The following GLIS3 variants were observed in gnomAD, a reference collection of about 807,000 sequenced individuals.
The protein encoded by GLIS3 is zinc finger protein GLIS3.
A neutral mutation model predicts 78.6 loss-of-function variants in GLIS3; 53 were observed. The ratio of observed to expected loss-of-function variants is 0.67; its 90% CI spans 0.54 to 0.85. GLIS3 has a LOEUF of 0.85. Ranked by LOEUF, GLIS3 falls within the 40% of genes least tolerant of loss-of-function variation. GLIS3 has a pLI of 0.00. For synonymous variants in GLIS3, 684 were observed against 509.9 expected (o/e 1.34, Z -4.60); for missense variants, 1,703 against 1,231.1 (o/e 1.38, Z -5.74).
Position 3,824,224 on chromosome 9 carries a change from T to C in GLIS3, c.*4048A>G, listed in dbSNP as rs1588031207. On this transcript the variant is annotated 3_prime_UTR_variant, in exon 11 of 11. Coordinates refer to ENST00000381971, the MANE Select transcript of GLIS3 (RefSeq NM_001042413.2). ...TGTAAAGGACTCAGGGAGACATTCA[T>C]TTTTACTGCCATTTCCTCCTCATAT... 6.5e-6 allele frequency: 1 copy of C among 152,770 alleles called. No individual in the cohort carries two copies. The highest frequency in any genetic ancestry group is 1.9e-4 in the East Asian group (1 of 5,196). The allele number at this position is 152,770 out of a possible 1,614,324, so 9.5% of individuals were successfully genotyped here. A position where few individuals can be genotyped will look rare whatever the true frequency, so the allele number is the denominator to read the frequency against.
chr9:4,202,532 C>G (rs574427337), intron 2 of GLIS3, among the ~76,000 whole-genome samples: 1 of 152,018 alleles, frequency 6.6e-6, no homozygotes, highest in Admixed American at 6.5e-5. Context: ...GCAAAAAGAA[C>G]AAAGATGGAG....
intron 4 of GLIS3, among the ~76,000 whole-genome samples, chr9:3,991,925 C>T (rs1307767063): frequency 8.6e-5 from 13 of 151,992 alleles, no homozygotes; most frequent in Admixed American, 2.0e-4. Flanking sequence ...CTCCTGACTT[C>T]GTGATCCGCC....
chr9:4,174,723 T>C (rs1004281723), intron 2 of GLIS3, among the ~76,000 whole-genome samples: 1 of 152,220 alleles, frequency 6.6e-6, no homozygotes, highest in Non-Finnish European at 1.5e-5. Context: ...CGTGCTGCAG[T>C]TGCTTCATCT....
intron 4 of GLIS3, among the ~76,000 whole-genome samples, chr9:3,971,041 A>G (rs1056137100): frequency 7.7e-6 from 1 of 129,060 alleles, no homozygotes; most frequent in Non-Finnish European, 1.7e-5. Context: ...AAAGGAAAGA[A>G]GGAAGGATCG....
intron 2 of GLIS3, among the ~76,000 whole-genome samples, chr9:4,271,782 T>G (rs1165728747): frequency 6.6e-6 from 1 of 152,172 alleles, no homozygotes; most frequent in Non-Finnish European, 1.5e-5. Flanking sequence ...CTGCTCACCA[T>G]AATGCTACCA....
intron 2 of GLIS3, among the ~76,000 whole-genome samples, chr9:4,333,511 A>G (rs1033970990): frequency 6.6e-6 from 1 of 152,240 alleles, no homozygotes; most frequent in Non-Finnish European, 1.5e-5. Flanking sequence ...GTTAAGAGTG[A>G]CAGAACAAGA....
At chr9:4,126,914 G>A (rs764128547) in intron 2 of GLIS3, among the ~76,000 whole-genome samples, 3 of 152,020 alleles carry the variant, frequency 2.0e-5, no homozygotes, top group Non-Finnish European at 4.4e-5. Flanking sequence ...CTTTTTCATT[G>A]ATATATTTGG....
intron 2 of GLIS3, among the ~76,000 whole-genome samples, chr9:4,343,621 T>C (rs1388017691): frequency 6.6e-6 from 1 of 152,202 alleles, no homozygotes; most frequent in African/African-American, 2.4e-5. Context: ...CATGTATGCT[T>C]ATCACAGCAC....
intron 4 of GLIS3, among the ~76,000 whole-genome samples, chr9:3,984,970 G>A (rs951879225): frequency 2.0e-5 from 3 of 152,050 alleles, no homozygotes; most frequent in Non-Finnish European, 4.4e-5. Context: ...CTTCTGCCAT[G>A]ATTGTGAGGC....
intron 2 of GLIS3, among the ~76,000 whole-genome samples, chr9:4,238,555 GC>G: frequency 6.6e-6 from 1 of 152,154 alleles, no homozygotes; most frequent in Non-Finnish European, 1.5e-5. Context: ...AACTCAGAAG[GC>G]CCGTGTGAAG....
At chr9:3,884,293 T>G (rs1821927832) in intron 7 of GLIS3, among the ~76,000 whole-genome samples, 1 of 152,150 alleles carries the variant, frequency 6.6e-6, no homozygotes, top group Non-Finnish European at 1.5e-5. Context: ...AAAGATTACT[T>G]GTCTCAGGCC....
intron 4 of GLIS3, among the ~76,000 whole-genome samples, chr9:3,980,154 G>A (rs762969673): frequency 6.6e-6 from 1 of 152,142 alleles, no homozygotes. Flanking sequence ...ATCATATTTT[G>A]TTTAAAGTAA....
At chr9:4,264,300 C>CCCACCA (rs1455522816) in intron 2 of GLIS3, among the ~76,000 whole-genome samples, 3 of 152,140 alleles carry the variant, frequency 2.0e-5, no homozygotes, top group Non-Finnish European at 4.4e-5. Context: ...TGAATCTAAA[C>CCCACCA]CCACCACCAC....
chr9:4,025,615 T>G (rs1823268551), intron 4 of GLIS3, among the ~76,000 whole-genome samples: 1 of 152,126 alleles, frequency 6.6e-6, no homozygotes, highest in Non-Finnish European at 1.5e-5. Context: ...CTGCGTCTCC[T>G]GACCTTGTGA....
chr9:4,348,825 T>G (rs1817926942), upstream of GLIS3, among the ~76,000 whole-genome samples: 1 of 152,222 alleles, frequency 6.6e-6, no homozygotes, highest in Admixed American at 6.5e-5. Context: ...CAACTTTTAT[T>G]CAACATAAAT....
At chr9:4,119,006 T>G (rs566494167) in intron 3 of GLIS3, 125 bp from the exon 4 acceptor site, 1 of 999,744 alleles carries the variant, frequency 1.0e-6, no homozygotes, top group South Asian at 1.5e-5. Context: ...TTACATTCTG[T>G]GCTAAACACA....
At chr9:4,432,245 T>A in the GLIS3 span, among the ~76,000 whole-genome samples, 16 of 152,334 alleles carry the variant, frequency 1.1e-4, no homozygotes, top group East Asian at 1.9e-4. Context: ...ACAACTGTCA[T>A]CATTTTTAAA....
intron 4 of GLIS3, among the ~76,000 whole-genome samples, chr9:3,982,464 T>C (rs1292145645): frequency 1.3e-5 from 2 of 152,192 alleles, no homozygotes; most frequent in Non-Finnish European, 2.9e-5. Flanking sequence ...TGCTACTTAC[T>C]ACAGTGTTTC....
At chr9:4,199,455 G>C (rs1159279853) in intron 2 of GLIS3, among the ~76,000 whole-genome samples, 2 of 149,192 alleles carry the variant, frequency 1.3e-5, no homozygotes, top group African/African-American at 2.4e-5. Context: ...TCATATATAA[G>C]TTATATATAA....
Sources: allele counts gnomAD v4.1 joint callset (sites outside exome capture counted in the v4.1 genomes callset), GRCh38; gene constraint gnomAD v4.1.1; transcripts MANE v1.5; gene names NCBI Gene and HGNC (gene_info 2026-07-23, HGNC 2026-07-21).